The following ST6GAL1 variants were observed in gnomAD, a reference collection of about 807,000 sequenced individuals.
ST6GAL1 encodes the protein ST6 beta-galactoside alpha-2,6-sialyltransferase 1.
In ST6GAL1, 20 loss-of-function variants were observed where a neutral mutation model predicts 38.0. The observed-to-expected ratio is 0.53, with a 90% CI of 0.37 to 0.77. The LOEUF (loss-of-function observed/expected upper bound fraction) is 0.77. Ranked by LOEUF, ST6GAL1 falls within the 30% of genes least tolerant of loss-of-function variation. The pLI is 0.00. For synonymous variants in ST6GAL1, 196 were observed against 188.2 expected, an observed-to-expected ratio of 1.04 and a Z score of -0.34; for missense variants, 432 against 496.4, an observed-to-expected ratio of 0.87 and a Z score of 1.23.
At chr3:187,045,223 T>C (rs1394343029) in intron 4 of ST6GAL1, among the ~76,000 whole-genome samples, 8 of 152,202 alleles carry the variant, frequency 5.3e-5, no homozygotes, top group Admixed American at 3.9e-4. Context: ...GTAACCACTA[T>C]TGACATTCAA....
chr3:187,006,776 G>A (rs1716799300), intron 2 of ST6GAL1, among the ~76,000 whole-genome samples: 1 of 152,144 alleles, frequency 6.6e-6, no homozygotes, highest in African/African-American at 2.4e-5. Flanking sequence ...TTTCATTCCA[G>A]TCATCTCCTT....
chr3:186,953,679 G>A (rs1714655026), intron 1 of ST6GAL1, among the ~76,000 whole-genome samples: 1 of 152,114 alleles, frequency 6.6e-6, no homozygotes, highest in East Asian at 1.9e-4. Flanking sequence ...TTAGGACCCA[G>A]AGCAATGCCT....
chr3:187,065,972 T>C (rs1262505424), intron 5 of ST6GAL1, among the ~76,000 whole-genome samples: 1 of 152,172 alleles, frequency 6.6e-6, no homozygotes, highest in Non-Finnish European at 1.5e-5. Flanking sequence ...AGGTGGGATT[T>C]GGTTCTAGGT....
rs75816528 is a variant in ST6GAL1 at position 186,970,580 on chromosome 3, C to T, written c.-183+6654C>T. ...TCCTTGTGCTGACCCTTTTTTGTCA[C>T]CCTGCCCCCACCTCTGTTTTTCACT... On this transcript the variant is annotated intron_variant, in intron 2 of 7. Coordinates refer to ENST00000169298, the MANE Select transcript of ST6GAL1 (RefSeq NM_173216.2). 4.0e-3 allele frequency among the ~76,000 whole-genome samples: 603 copies of T among 150,050 alleles called. 5 individuals carry two copies. In the Middle Eastern group the frequency reaches 0.048, roughly 12 times the overall value.
At chr3:187,042,317 G>C (rs1408142982) in intron 3 of ST6GAL1, among the ~76,000 whole-genome samples, 1 of 152,022 alleles carries the variant, frequency 6.6e-6, no homozygotes, top group Non-Finnish European at 1.5e-5. Flanking sequence ...AAGAAACTCA[G>C]AGTGCAGTCA....
intron 2 of ST6GAL1, among the ~76,000 whole-genome samples, chr3:186,978,614 G>A (rs1409991419): frequency 1.3e-5 from 2 of 152,170 alleles, no homozygotes; most frequent in East Asian, 1.9e-4. Flanking sequence ...TCACCTCTTC[G>A]TGCTCCATCA....
At chr3:187,055,556 G>A (rs1034374888) in intron 5 of ST6GAL1, among the ~76,000 whole-genome samples, 19 of 152,132 alleles carry the variant, frequency 1.2e-4, no homozygotes, top group Non-Finnish European at 2.9e-5. Context: ...CCTTCATTTC[G>A]TTATGTCCCC....
chr3:187,036,535 T>C (rs1417066870), intron 2 of ST6GAL1, among the ~76,000 whole-genome samples: 1 of 152,188 alleles, frequency 6.6e-6, no homozygotes, highest in Non-Finnish European at 1.5e-5. Flanking sequence ...AAAGAAAATA[T>C]GGTACATATA....
chr3:187,011,536 G>A (rs2108558923), intron 2 of ST6GAL1, among the ~76,000 whole-genome samples: 1 of 152,282 alleles, frequency 6.6e-6, no homozygotes, highest in Middle Eastern at 3.4e-3. Context: ...GGTAGCTTTT[G>A]TTGTCCTTGG....
chr3:187,046,108 C>A (rs1188086119), intron 4 of ST6GAL1, among the ~76,000 whole-genome samples: 1 of 152,186 alleles, frequency 6.6e-6, no homozygotes, highest in African/African-American at 2.4e-5. Flanking sequence ...ATAATGTCTC[C>A]ATTATTAGGG....
chr3:186,987,200 G>GAGGGAGGGA lies in ST6GAL1; in HGVS notation c.-183+23275_-183+23276insGGGAGGGAA, dbSNP rs1553821932. ...AGAGACAGGGAGGGAGGGAGGGAGG[G>GAGGGAGGGA]AAGGAAAGAAAAGGAAAGAAAGCAA... On this transcript the variant is annotated intron_variant, in intron 2 of 7. Transcript: ENST00000169298. Among the ~76,000 whole-genome samples the GAGGGAGGGA allele has an allele frequency of 7.0e-4, 97 of 138,770 alleles. 1 individual carries two copies. The highest frequency in any genetic ancestry group is 1.2e-3 in the Admixed American group (16 of 13,388). 91.0% of individuals were successfully genotyped at this position (138,770 alleles called of 152,430 possible).
chr3:187,065,520 T>C (rs1560182959), intron 5 of ST6GAL1, among the ~76,000 whole-genome samples: 1 of 152,204 alleles, frequency 6.6e-6, no homozygotes, highest in Non-Finnish European at 1.5e-5. Context: ...GGAAAAATGA[T>C]ATATGTAAAT....
intron 2 of ST6GAL1, among the ~76,000 whole-genome samples, chr3:187,023,465 A>G (rs140824321): frequency 6.6e-6 from 1 of 152,328 alleles, no homozygotes; most frequent in African/African-American, 2.4e-5. Context: ...GAAAGAATGA[A>G]CCTATAGCTT....
intron 2 of ST6GAL1, among the ~76,000 whole-genome samples, chr3:187,021,378 TCCTGCCGTCCTTTCA>T (rs1335736371): frequency 6.6e-6 from 1 of 152,198 alleles, no homozygotes; most frequent in African/African-American, 2.4e-5. Flanking sequence ...ACAGTCTCTC[TCCTGCCGTCCTTTCA>T]CCTGCCCCAA....
intron 2 of ST6GAL1, among the ~76,000 whole-genome samples, chr3:187,020,907 T>C (rs1472054823): frequency 6.6e-6 from 1 of 151,912 alleles, no homozygotes; most frequent in Non-Finnish European, 1.5e-5. Flanking sequence ...GTCCAAAAAA[T>C]GTGAGACATC....
At chr3:186,984,939 C>T (rs545731435) in intron 2 of ST6GAL1, among the ~76,000 whole-genome samples, 19 of 151,164 alleles carry the variant, frequency 1.3e-4, no homozygotes, top group Non-Finnish European at 2.8e-4. Flanking sequence ...GATAGGGTCT[C>T]GCTCTGTCAC....
At chr3:186,989,677 C>T (rs985820317) in intron 2 of ST6GAL1, among the ~76,000 whole-genome samples, 2 of 152,280 alleles carry the variant, frequency 1.3e-5, no homozygotes, top group African/African-American at 4.8e-5. Flanking sequence ...TGATTAAAAG[C>T]TTTGTGTATT....
At chr3:187,044,906 A>G (rs1416805359) in intron 4 of ST6GAL1, among the ~76,000 whole-genome samples, 4 of 152,252 alleles carry the variant, frequency 2.6e-5, no homozygotes, top group African/African-American at 9.6e-5. Context: ...TCAAAATTGC[A>G]TGTTAGACTT....
At chr3:186,978,704 C>T (rs1346615014) in intron 2 of ST6GAL1, among the ~76,000 whole-genome samples, 2 of 152,194 alleles carry the variant, frequency 1.3e-5, no homozygotes, top group African/African-American at 4.8e-5. Flanking sequence ...GCTTAGAAAA[C>T]CTCCACCAGT....
Sources: gnomAD v4.1 joint callset for allele counts (sites outside exome capture counted in the v4.1 genomes callset) on GRCh38, gnomAD v4.1.1 for gene constraint, MANE v1.5 for transcripts, NCBI Gene and HGNC (gene_info 2026-07-23, HGNC 2026-07-21) for gene names.